TCAF1: variants seen among roughly 807,000 people sequenced by gnomAD.
The protein encoded by TCAF1 is TRPM8 channel-associated factor 1.
In TCAF1, 4 loss-of-function variants were observed where a neutral mutation model predicts 27.3. That is an observed-to-expected ratio of 0.15 (90% CI 0.07 to 0.34). The LOEUF is 0.34. Ranked by LOEUF, TCAF1 falls within the 10% of genes least tolerant of loss-of-function variation. The pLI is 1.00. For synonymous variants in TCAF1, 105 were observed against 167.1 expected, an observed-to-expected ratio of 0.63 and a Z score of 2.87; for missense variants, 257 against 425.8, an observed-to-expected ratio of 0.60 and a Z score of 3.49.
In TCAF1 at chr7:143,878,677, T is replaced by C. The variant is rs549820726; in HGVS notation, c.-14-2055A>G. On this transcript the variant is annotated intron_variant, in intron 1 of 8. Coordinates refer to ENST00000479870, the MANE Select transcript of TCAF1 (RefSeq NM_014719.3). ...TATTGAGAAGATACTGATATGAACA[T>C]TTGGTAAGCAAGAAGCTTGTCTCTT... 1.4e-3 allele frequency among the ~76,000 whole-genome samples: 213 copies of C among 152,318 alleles called. 2 individuals are homozygous for C. Among genetic ancestry groups the C allele is most frequent in the African/African-American group, 5.1e-3 (211 of 41,562 alleles).
intron 1 of TCAF1, among the ~76,000 whole-genome samples, chr7:143,886,156 C>G (rs1042577867): frequency 4.6e-5 from 7 of 152,190 alleles, no homozygotes; most frequent in Admixed American, 3.9e-4. Flanking sequence ...CTGGAGGAAC[C>G]ACTCATCTCT....
chr7:143,900,537 T>G (rs184311452), intron 1 of TCAF1, among the ~76,000 whole-genome samples: 52 of 152,194 alleles, frequency 3.4e-4, no homozygotes, highest in Non-Finnish European at 5.3e-4. Flanking sequence ...CGCCTAGCCT[T>G]GAGATGACTG....
chr7:143,884,474 T>C (rs1813283477), intron 1 of TCAF1, among the ~76,000 whole-genome samples: 1 of 152,190 alleles, frequency 6.6e-6, no homozygotes, highest in African/African-American at 2.4e-5. Context: ...TTCAGATTTT[T>C]CAGCTAAATG....
At chr7:143,900,366 T>C (rs1455581832) in intron 1 of TCAF1, among the ~76,000 whole-genome samples, 1 of 151,820 alleles carries the variant, frequency 6.6e-6, no homozygotes, top group Non-Finnish European at 1.5e-5. Context: ...TCTTTTTCTC[T>C]GTGGGAGCCT....
chr7:143,880,574 C>A (rs901534431), intron 1 of TCAF1, among the ~76,000 whole-genome samples: 2 of 152,142 alleles, frequency 1.3e-5, no homozygotes, highest in South Asian at 2.1e-4. Context: ...AGAAACAACA[C>A]CGAGTTAATA....
At chr7:143,868,464 C>T (rs1490355748) in intron 2 of TCAF1, among the ~76,000 whole-genome samples, 2 of 135,212 alleles carry the variant, frequency 1.5e-5, no homozygotes, top group Non-Finnish European at 3.2e-5. Flanking sequence ...TTTTTTTTTA[C>T]ATAGATGATC....
At chr7:143,894,999 A>T (rs947489017) in intron 1 of TCAF1, among the ~76,000 whole-genome samples, 23 of 151,812 alleles carry the variant, frequency 1.5e-4, no homozygotes, top group African/African-American at 5.1e-4. Context: ...ATTAGTCATC[A>T]AAGTAATACA....
At chr7:143,859,944 TA>T (rs1811842836) in intron 6 of TCAF1, among the ~76,000 whole-genome samples, 1 of 57,838 alleles carries the variant, frequency 1.7e-5, no homozygotes, top group Admixed American at 3.3e-4. Flanking sequence ...ATATATTATA[TA>T]ATATATATTA....
At position 143,885,131 on chromosome 7, in the gene TCAF1, G is replaced by A. The variant is rs1315060921; in HGVS notation, c.-14-8509C>T. 5.1e-6 allele frequency: 5 copies of A among 985,428 alleles called. No homozygotes were observed. The African/African-American group carries it at 8.7e-5, about 17-fold the overall frequency. 61.0% of individuals were successfully genotyped at this position (985,428 alleles called of 1,614,324 possible). A position where few individuals can be genotyped will look rare whatever the true frequency, so the allele number is the denominator to read the frequency against. On this transcript the variant is annotated intron_variant, in intron 1 of 8. Transcript: ENST00000479870. ...TCTCCCACCCGCACCTCAGCGGACT[G>A]CATCGGGAGCCGCCCCTGAATTGGT...
chr7:143,875,963 A>G (rs568646925), intron 2 of TCAF1, 26 bp downstream of exon 2: 12 of 1,515,370 alleles, frequency 7.9e-6, no homozygotes, highest in Middle Eastern at 1.8e-4. Context: ...CCTGGAGCCA[A>G]CTCCCCAGTG....
At chr7:143,888,970 T>C (rs1586792766) in intron 1 of TCAF1, among the ~76,000 whole-genome samples, 1 of 151,868 alleles carries the variant, frequency 6.6e-6, no homozygotes, top group Admixed American at 6.6e-5. Context: ...ATTGTATTTA[T>C]AAAAAAGAAT....
In TCAF1 at chr7:143,883,495, T is replaced by C. The variant is rs866013062; in HGVS notation, c.-14-6873A>G. Among the ~76,000 whole-genome samples the C allele has an allele frequency of 9.7e-3, 1,107 of 114,108 alleles. 19 individuals are homozygous for C. Among genetic ancestry groups the C allele is most frequent in the African/African-American group, 0.044 (1,045 of 23,864 alleles). 74.9% of individuals were successfully genotyped at this position (114,108 alleles called of 152,430 possible). ...GTTCAAATCGCATTTCTTTCTTTCCTTTTTCTTTTTTTTTTTTTTTTTTTT... is the reference window on the plus strand; with the variant it reads ...GTTCAAATCGCATTTCTTTCTTTCCCTTTTCTTTTTTTTTTTTTTTTTTTT... On this transcript the variant is annotated intron_variant, in intron 1 of 8. Coordinates refer to ENST00000479870, the MANE Select transcript of TCAF1 (RefSeq NM_014719.3).
chr7:143,887,938 G>T (rs764240499), intron 1 of TCAF1, among the ~76,000 whole-genome samples: 2 of 152,080 alleles, frequency 1.3e-5, no homozygotes, highest in Non-Finnish European at 2.9e-5. Flanking sequence ...TTACTCTTGG[G>T]CCAGGTAGTG....
At chr7:143,898,788 A>G (rs962329094) in intron 1 of TCAF1, among the ~76,000 whole-genome samples, 3 of 152,226 alleles carry the variant, frequency 2.0e-5, no homozygotes, top group African/African-American at 4.8e-5. Flanking sequence ...GTCCCTCAAA[A>G]AGCAGGTGTT....
intron 2 of TCAF1, among the ~76,000 whole-genome samples, chr7:143,874,912 C>T (rs1008679239): frequency 6.6e-6 from 1 of 152,028 alleles, no homozygotes; most frequent in African/African-American, 2.4e-5. Context: ...TTTAATAAAC[C>T]CTGGCTAAAT....
chr7:143,879,676 CAGAT>C lies in TCAF1; in HGVS notation c.-14-3058_-14-3055del, dbSNP rs1562964332. On this transcript the variant is annotated intron_variant, in intron 1 of 8. Transcript: ENST00000479870. Reference sequence around the variant, plus strand: ...ATAAATGAAAACCTAGAAGTACAGACAGATAGACTAATGACAAAGAATGTTTCCT... The same window carrying C: ...ATAAATGAAAACCTAGAAGTACAGACAGACTAATGACAAAGAATGTTTCCT... 2.0e-5 allele frequency among the ~76,000 whole-genome samples: 3 copies of C among 152,270 alleles called. No individual in the cohort carries two copies. In the South Asian group the frequency reaches 6.2e-4, roughly 32 times the overall value.
chr7:143,899,280 T>A (rs562199614), intron 1 of TCAF1, among the ~76,000 whole-genome samples: 1 of 152,328 alleles, frequency 6.6e-6, no homozygotes, highest in Admixed American at 6.5e-5. Context: ...AAGAAACAGG[T>A]GATAGGACTT....
intron 1 of TCAF1, among the ~76,000 whole-genome samples, chr7:143,890,430 T>C (rs1341987788): frequency 6.6e-6 from 1 of 152,210 alleles, no homozygotes; most frequent in African/African-American, 2.4e-5. Context: ...TGAGGCAACA[T>C]TTATTTTTCA....
intron 1 of TCAF1, among the ~76,000 whole-genome samples, chr7:143,883,494 CTTTT>C (rs1401266708): frequency 1.1e-4 from 12 of 105,212 alleles, no homozygotes; most frequent in Admixed American, 2.6e-4. Flanking sequence ...TCTTTCTTTC[CTTTT>C]TCTTTTTTTT....
Sources: gnomAD v4.1 joint callset for allele counts (sites outside exome capture counted in the v4.1 genomes callset) on GRCh38, gnomAD v4.1.1 for gene constraint, MANE v1.5 for transcripts, NCBI Gene and HGNC (gene_info 2026-07-23, HGNC 2026-07-21) for gene names.